Variants in SETD5 observed in about 807,000 individuals in gnomAD.
SETD5 encodes the protein SET domain containing 5.
SETD5 carries 44 observed loss-of-function variants against 153.3 expected under a neutral mutation model. That is an observed-to-expected ratio of 0.29 (90% CI 0.23 to 0.37). The LOEUF (loss-of-function observed/expected upper bound fraction) is 0.37, where lower values mean the gene tolerates loss of function less well. Ranked by LOEUF, SETD5 falls within the 10% of genes least tolerant of loss-of-function variation. The probability of loss-of-function intolerance (pLI) is 1.00; values close to 1 mark genes in which losing one functional copy is unlikely to be tolerated. For missense variants in SETD5, 1,544 were observed against 1,768.0 expected, an observed-to-expected ratio of 0.87 and a Z score of 2.27; for synonymous variants, 716 against 645.2, an observed-to-expected ratio of 1.11 and a Z score of -1.66.
rs1263982154 is a variant in SETD5, at chr3:9,476,396, T to G, written c.*305T>G. ...AAGTGCAATGAGTTGTGTTGAAGCC[T>G]CCGTCTCCCATCCTTGCCTGTAGCC... On this transcript the variant is annotated 3_prime_UTR_variant, in exon 23 of 23. Transcript: ENST00000402198. The G allele has an allele frequency of 3.5e-6, 1 of 285,918 alleles. No individual in the cohort carries two copies. Among genetic ancestry groups the G allele is most frequent in the African/African-American group, 2.1e-5 (1 of 46,830 alleles). The allele number at this position is 285,918 out of a possible 1,614,324, so 17.7% of individuals were successfully genotyped here. A position where few individuals can be genotyped will look rare whatever the true frequency, so the allele number is the denominator to read the frequency against.
chr3:9,455,176 T>C (rs1489457824), intron 17 of SETD5, among the ~76,000 whole-genome samples: 22 of 140,778 alleles, frequency 1.6e-4, no homozygotes, highest in Non-Finnish European at 2.0e-4. Context: ...TTCTTTTTTT[T>C]TTTTTTTTTT....
chr3:9,463,953 T>A (rs2044268500), intron 17 of SETD5, among the ~76,000 whole-genome samples: 3 of 152,048 alleles, frequency 2.0e-5, no homozygotes, highest in Non-Finnish European at 4.4e-5. Flanking sequence ...CGTGGTGAAA[T>A]GCCATCTCTA....
intron 3 of SETD5, chr3:9,431,458 A>G: frequency 2.1e-6 from 2 of 952,776 alleles, no homozygotes; most frequent in Non-Finnish European, 2.5e-6. Context: ...TTCATATTTT[A>G]AAATATAAAA....
At position 9,477,864 on chromosome 3, in the gene SETD5, T is replaced by A. The variant is rs576543991; in HGVS notation, c.*1773T>A. The A allele has an allele frequency of 7.4e-4, 113 of 152,402 alleles. No homozygotes were observed. The highest frequency in any genetic ancestry group is 2.6e-3 in the African/African-American group (108 of 41,444). The allele number at this position is 152,402 out of a possible 1,614,324, so 9.4% of individuals were successfully genotyped here. A position where few individuals can be genotyped will look rare whatever the true frequency, so the allele number is the denominator to read the frequency against. ...ATGTCTCTCCATTTGGGCTGGGGTTTGCATTCTCCCCTTGGCTATTTAACC... is the reference window on the plus strand; with the variant it reads ...ATGTCTCTCCATTTGGGCTGGGGTTAGCATTCTCCCCTTGGCTATTTAACC... On this transcript the variant is annotated 3_prime_UTR_variant, in exon 23 of 23. Coordinates refer to ENST00000402198, the MANE Select transcript of SETD5 (RefSeq NM_001080517.3).
At chr3:9,445,013 C>T (rs2041768409) in intron 11 of SETD5, 35 bp from the exon 12 acceptor site, 1 of 1,602,206 alleles carries the variant, frequency 6.2e-7, no homozygotes, top group South Asian at 1.1e-5. Context: ...TTCAAGGGTA[C>T]TGAGACAGGC....
In SETD5 at chr3:9,475,545, C is replaced by T; in HGVS notation, c.3783C>T (p.Pro1261=). The T allele has an allele frequency of 6.2e-7, 1 of 1,613,914 alleles. No individual in the cohort carries two copies. Among genetic ancestry groups the T allele is most frequent in the Non-Finnish European group, 8.5e-7 (1 of 1,179,856 alleles). ...GCCTCCTTCAGCAGAGTTCCTCCCC[C>T]TTCAGAGGACATCCTACACAGTCTC... ...SQSLLQQSSS[P]FRGHPTQSPG... is the part of the protein sequence containing the mutation. The change falls in exon 23 of 23, where the codon CCC becomes CCT. Residue 1261 remains proline, a synonymous_variant. Transcript: ENST00000402198.
At chr3:9,411,209 A>C (rs2036523042) in intron 1 of SETD5, among the ~76,000 whole-genome samples, 1 of 152,174 alleles carries the variant, frequency 6.6e-6, no homozygotes, top group South Asian at 2.1e-4. Context: ...CACTTGGGAC[A>C]CTGGTGCTAC....
intron 17 of SETD5, among the ~76,000 whole-genome samples, chr3:9,458,419 C>T (rs898075247): frequency 1.3e-5 from 2 of 152,030 alleles, no homozygotes; most frequent in South Asian, 4.2e-4. Context: ...GAATTTGAGA[C>T]CAGCCTGGGC....
At chr3:9,456,907 CAGA>C (rs1374330593) in intron 17 of SETD5, among the ~76,000 whole-genome samples, 2 of 151,762 alleles carry the variant, frequency 1.3e-5, no homozygotes, top group African/African-American at 4.8e-5. Context: ...ACCTGGGAGG[CAGA>C]AGTTGCAGTG....
In SETD5 at chr3:9,442,192, A is replaced by G. The variant is rs2041375758; in HGVS notation, c.1024A>G (p.Thr342Ala). The G allele has an allele frequency of 6.2e-7, 1 of 1,613,204 alleles. No individual in the cohort carries two copies. Among genetic ancestry groups the G allele is most frequent in the Non-Finnish European group, 8.5e-7 (1 of 1,179,840 alleles). ...NGVEMCVDAR[T>A]FGNDARFIRR... ...TGTAGAGATGTGTGTGGATGCCCGT[A>G]CTTTCGGTAATGATGCTCGGTTCAT... The change falls in exon 10 of 23, where the codon ACT becomes GCT. Residue 342 changes from threonine (T) to alanine (A), a missense_variant. Coordinates refer to ENST00000402198, the MANE Select transcript of SETD5 (RefSeq NM_001080517.3).
chr3:9,417,571 C>T (rs1432118227), intron 1 of SETD5, among the ~76,000 whole-genome samples: 2 of 151,678 alleles, frequency 1.3e-5, no homozygotes, highest in African/African-American at 2.4e-5. Context: ...CTGCGAGCTC[C>T]GCCTCCCGGG....
chr3:9,452,379 A>G (rs1447328476), intron 16 of SETD5, among the ~76,000 whole-genome samples: 1 of 152,344 alleles, frequency 6.6e-6, no homozygotes, highest in Admixed American at 6.5e-5. Flanking sequence ...GATGACTTCT[A>G]AGTTCTCTTC....
At chr3:9,446,000 G>T (rs2041937692) in intron 13 of SETD5, among the ~76,000 whole-genome samples, 2 of 111,152 alleles carry the variant, frequency 1.8e-5, no homozygotes, top group African/African-American at 8.2e-5. Flanking sequence ...CTAACAATCT[G>T]GTTTCCGCTG....
intron 20 of SETD5, 55 bp downstream of exon 20, chr3:9,473,592 T>G: frequency 2.7e-6 from 4 of 1,489,486 alleles, no homozygotes; most frequent in Admixed American, 2.0e-5. Flanking sequence ...GGAGTATATA[T>G]CTAAGATCAT....
intron 1 of SETD5, chr3:9,423,235 C>G (rs1333019462): frequency 6.6e-6 from 1 of 152,196 alleles, no homozygotes; most frequent in African/African-American, 2.4e-5. Context: ...TTGGCCATTT[C>G]TGAAACCAAT....
At chr3:9,431,178 A>C in intron 3 of SETD5, 1 of 985,446 alleles carries the variant, frequency 1.0e-6, no homozygotes, top group Non-Finnish European at 1.2e-6. Flanking sequence ...GTGTGTTTGT[A>C]GGAAAATTTG....
intron 11 of SETD5, 39 bp from the exon 12 acceptor site, chr3:9,445,009 G>A (rs6804149): frequency 6.3e-7 from 1 of 1,592,658 alleles, no homozygotes; most frequent in Non-Finnish European, 8.5e-7. Context: ...GAATTTCAAG[G>A]GTACTGAGAC....
chr3:9,407,637 A>G (rs2035915448), intron 1 of SETD5, among the ~76,000 whole-genome samples: 2 of 152,200 alleles, frequency 1.3e-5, no homozygotes, highest in Admixed American at 1.3e-4. Context: ...AATACTAGGA[A>G]TATGTTTCTG....
chr3:9,406,821 A>G (rs2125470050), intron 1 of SETD5, among the ~76,000 whole-genome samples: 1 of 152,330 alleles, frequency 6.6e-6, no homozygotes, highest in Non-Finnish European at 1.5e-5. Flanking sequence ...ATGTCTGCAT[A>G]CCAAATTGTT....
Sources: gnomAD v4.1 joint callset for allele counts (sites outside exome capture counted in the v4.1 genomes callset) on GRCh38, gnomAD v4.1.1 for gene constraint, MANE v1.5 for transcripts, NCBI Gene and HGNC (gene_info 2026-07-23, HGNC 2026-07-21) for gene names.